Variants in CARM1 observed in about 807,000 individuals in gnomAD.
CARM1 encodes histone-arginine methyltransferase CARM1.
A neutral mutation model predicts 72.7 loss-of-function variants in CARM1; 14 were observed. The ratio of observed to expected loss-of-function variants is 0.19; its 90% CI spans 0.13 to 0.30. The LOEUF (loss-of-function observed/expected upper bound fraction) is 0.30, where lower values mean the gene tolerates loss of function less well. Ranked by LOEUF, CARM1 falls within the 10% of genes least tolerant of loss-of-function variation. CARM1 has a pLI of 1.00. For missense variants in CARM1, 432 were observed against 833.7 expected (o/e 0.52, Z 5.93); for synonymous variants, 333 against 345.5 (o/e 0.96, Z 0.40).
chr19:10,888,935 A>G (rs1356103696), intron 1 of CARM1, among the ~76,000 whole-genome samples: 4 of 152,188 alleles, frequency 2.6e-5, no homozygotes, highest in African/African-American at 9.6e-5. Flanking sequence ...GGTCAGGACT[A>G]CAGGGGAAGC....
At chr19:10,873,082 T>TGAG (rs566521801) in intron 1 of CARM1, among the ~76,000 whole-genome samples, 67 of 152,124 alleles carry the variant, frequency 4.4e-4, no homozygotes, top group Middle Eastern at 6.8e-3. Context: ...TTGGACCAGA[T>TGAG]GAGAGGGGAA....
At chr19:10,882,863 G>A (rs2073912536) in intron 1 of CARM1, among the ~76,000 whole-genome samples, 1 of 152,100 alleles carries the variant, frequency 6.6e-6, no homozygotes, top group Admixed American at 6.6e-5. Context: ...GGAGCAGAGA[G>A]AAGGCAGACA....
At position 10,920,493 on chromosome 19, in the gene CARM1, G is replaced by A; in HGVS notation, c.1254G>A (p.Val418=). 1.9e-6 allele frequency: 3 copies of A among 1,613,892 alleles called. No individual in the cohort carries two copies. The highest frequency in any genetic ancestry group is 2.5e-6 in the Non-Finnish European group (3 of 1,179,870). The change falls in exon 11 of 16, where the codon GTG becomes GTA. Residue 418 remains valine (V), a synonymous_variant. Coordinates refer to ENST00000327064, the MANE Select transcript of CARM1 (RefSeq NM_199141.2). The surrounding 1 kb of genome is among the most constrained non-coding windows in gnomAD (Gnocchi z 5.3). ...AGCCCCTGACCCACTGGTACCAGGT[G>A]CGGTGCCTGTTCCAGTCACCACTGT... ...PTEPLTHWYQ[V]RCLFQSPLFA... is the part of the protein sequence containing the mutation.
chr19:10,873,624 G>GT (rs1169565864), intron 1 of CARM1, among the ~76,000 whole-genome samples: 4,145 of 47,346 alleles, frequency 0.088, 1,032 homozygotes, highest in African/African-American at 0.1. Flanking sequence ...TTTTAGTTTA[G>GT]TTTTTTTTTT....
chr19:10,914,642 A>T (rs1001139328), intron 6 of CARM1, among the ~76,000 whole-genome samples: 2 of 151,680 alleles, frequency 1.3e-5, no homozygotes, highest in Non-Finnish European at 2.9e-5. Context: ...TGCAACCTGC[A>T]CCTCCCCAGT....
chr19:10,892,321 G>A (rs946213901), intron 1 of CARM1, among the ~76,000 whole-genome samples: 4 of 152,228 alleles, frequency 2.6e-5, no homozygotes, highest in Non-Finnish European at 4.4e-5. Flanking sequence ...CTGATGTGCT[G>A]GGGAAGTGCC....
intron 1 of CARM1, among the ~76,000 whole-genome samples, chr19:10,897,649 C>CACCTGGAGATCCCAGTCCCTTTCCTT (rs1443474131): frequency 8.5e-5 from 13 of 152,172 alleles, no homozygotes; most frequent in Non-Finnish European, 1.5e-4. Flanking sequence ...TTGGAGACTC[C>CACCTGGAGATCCCAGTCCCTTTCCTT]ACCTGGAGAT....
intron 14 of CARM1, 28 bp downstream of exon 14, chr19:10,921,155 C>T (rs2074242563): frequency 6.2e-7 from 1 of 1,601,942 alleles, no homozygotes; most frequent in Admixed American, 1.7e-5. Flanking sequence ...CCAGGGGCAG[C>T]AGGGAGCCAT....
At chr19:10,890,802 T>A (rs1467066849) in intron 1 of CARM1, among the ~76,000 whole-genome samples, 17 of 130,546 alleles carry the variant, frequency 1.3e-4, no homozygotes, top group South Asian at 5.2e-4. Context: ...TATATTTTTT[T>A]TTTTTTTTTT....
At chr19:10,907,764 C>G (rs150247286) in intron 2 of CARM1, among the ~76,000 whole-genome samples, 1 of 152,234 alleles carries the variant, frequency 6.6e-6, no homozygotes, top group African/African-American at 2.4e-5. Flanking sequence ...CCAAGCTGCC[C>G]TTTGGTGAGG....
At chr19:10,873,829 C>T (rs991602316) in intron 1 of CARM1, among the ~76,000 whole-genome samples, 9 of 151,234 alleles carry the variant, frequency 6.0e-5, no homozygotes, top group Middle Eastern at 3.2e-3. Context: ...TTAGTAGAGA[C>T]GGGGTTTCAC....
rs1464887155 is a variant in CARM1 at position 10,912,898 on chromosome 19, T to G, written c.669+604T>G. Among the ~76,000 whole-genome samples, 1 of 152,204 alleles carries G rather than the reference T, an allele frequency of 6.6e-6. No individual in the cohort carries two copies. On this transcript the variant is annotated intron_variant, in intron 5 of 15. Transcript: ENST00000327064. This position sits in a 1 kb window ranked among gnomAD's most constrained non-coding sequence, Gnocchi z 4.5. ...CTTCACGTGGCCAACGCTGCTGTCCTGAGCCCCTCTCCCACATGCGGTTGT... is the reference window on the plus strand; with the variant it reads ...CTTCACGTGGCCAACGCTGCTGTCCGGAGCCCCTCTCCCACATGCGGTTGT...
At chr19:10,872,681 C>T (rs2073828752) in intron 1 of CARM1, among the ~76,000 whole-genome samples, 2 of 152,166 alleles carry the variant, frequency 1.3e-5, no homozygotes. Context: ...ACTGACATTT[C>T]ACTGGGGGGA....
At position 10,912,556 on chromosome 19, in the gene CARM1, G is replaced by A. The variant is rs574184054; in HGVS notation, c.669+262G>A. Reference sequence around the variant, plus strand: ...TTGCACTGAAACCTTCATTCACAAAGTTCAAAACATAAAAGCTAAAAAAGA... The same window carrying A: ...TTGCACTGAAACCTTCATTCACAAAATTCAAAACATAAAAGCTAAAAAAGA... On this transcript the variant is annotated intron_variant, in intron 5 of 15. Coordinates refer to ENST00000327064, the MANE Select transcript of CARM1 (RefSeq NM_199141.2). The surrounding 1 kb of genome is among the most constrained non-coding windows in gnomAD (Gnocchi z 4.5). Among the ~76,000 whole-genome samples the A allele has an allele frequency of 1.9e-4, 29 of 149,560 alleles. No homozygotes were observed. Among genetic ancestry groups the A allele is most frequent in the African/African-American group, 6.9e-4 (28 of 40,528 alleles).
chr19:10,894,007 G>T (rs950182973), intron 1 of CARM1, among the ~76,000 whole-genome samples: 1 of 152,198 alleles, frequency 6.6e-6, no homozygotes, highest in Non-Finnish European at 1.5e-5. Context: ...GCACATGGGT[G>T]CCAAGCCACA....
chr19:10,921,188 G>A (rs2074243393), intron 14 of CARM1, 61 bp downstream of exon 14: 1 of 1,551,014 alleles, frequency 6.4e-7, no homozygotes, highest in Non-Finnish European at 8.9e-7. Context: ...CCAGGGGCCG[G>A]GAAGGGCCTG....
At chr19:10,894,764 G>A (rs1236288526) in intron 1 of CARM1, among the ~76,000 whole-genome samples, 1 of 143,258 alleles carries the variant, frequency 7.0e-6, no homozygotes, top group Non-Finnish European at 1.5e-5. Flanking sequence ...TTCTTGAAAT[G>A]GGGTCTCACT....
chr19:10,871,622 G>GGTAGCGGCA lies in CARM1; in HGVS notation c.-80_-79insTAGCGGCAG, dbSNP rs2073816062. The GGTAGCGGCA allele has an allele frequency of 6.4e-6, 1 of 156,578 alleles. No homozygotes were observed. Among genetic ancestry groups the GGTAGCGGCA allele is most frequent in the Non-Finnish European group, 1.1e-5 (1 of 91,046 alleles). 9.7% of individuals were successfully genotyped at this position (156,578 alleles called of 1,614,324 possible). The stretch of plus-strand genomic sequence containing the variant: ...CGGCGGCGGCGGCGGCGGCGGCGGC[G>GGTAGCGGCA]GCGGCGGCGGCGGCGGCAGCGGCGG... On this transcript the variant is annotated 5_prime_UTR_variant, in exon 1 of 16. Transcript: ENST00000327064. The surrounding 1 kb of genome is among the most constrained non-coding windows in gnomAD (Gnocchi z 5.6).
chr19:10,879,712 C>G (rs2073887894), intron 1 of CARM1, among the ~76,000 whole-genome samples: 1 of 152,150 alleles, frequency 6.6e-6, no homozygotes, highest in African/African-American at 2.4e-5. Context: ...CTCCCAGGTT[C>G]AAGTCATTCT....
Sources: gnomAD v4.1 joint callset for allele counts (sites outside exome capture counted in the v4.1 genomes callset) on GRCh38, gnomAD v4.1.1 for gene constraint, Gnocchi (gnomAD v3.1) non-coding constraint, MANE v1.5 for transcripts, NCBI Gene and HGNC (gene_info 2026-07-23, HGNC 2026-07-21) for gene names.